CDC45: variants seen among roughly 807,000 people sequenced by gnomAD.
The protein encoded by CDC45 is cell division control protein 45 homolog.
CDC45 carries 54 observed loss-of-function variants against 77.8 expected under a neutral mutation model. The observed-to-expected ratio is 0.69, with a 90% CI of 0.56 to 0.87. The LOEUF (loss-of-function observed/expected upper bound fraction) is 0.87, where lower values mean the gene tolerates loss of function less well. Ranked by LOEUF, CDC45 falls within the 40% of genes least tolerant of loss-of-function variation. The probability of loss-of-function intolerance (pLI) is 0.00; values close to 1 mark genes in which losing one functional copy is unlikely to be tolerated. For missense variants in CDC45, 649 were observed against 721.6 expected (o/e 0.90, Z 1.15); for synonymous variants, 260 against 272.1 (o/e 0.96, Z 0.44).
intron 5 of CDC45, among the ~76,000 whole-genome samples, chr22:19,485,989 A>G (rs143809486): frequency 4.5e-3 from 680 of 152,358 alleles, no homozygotes; most frequent in Non-Finnish European, 6.3e-3. Flanking sequence ...TTATTTGAGA[A>G]TAGATTGCAG....
intron 5 of CDC45, among the ~76,000 whole-genome samples, chr22:19,491,045 T>C (rs1338830420): frequency 6.6e-6 from 1 of 152,066 alleles, no homozygotes; most frequent in East Asian, 1.9e-4. Context: ...CAGGTTCGTC[T>C]CAAACTCCTG....
intron 3 of CDC45, among the ~76,000 whole-genome samples, chr22:19,481,770 C>G (rs539367229): frequency 1.3e-5 from 2 of 152,238 alleles, no homozygotes; most frequent in African/African-American, 4.8e-5. Flanking sequence ...CTTCTGGGTT[C>G]AAGCGATTCT....
intron 6 of CDC45, chr22:19,494,711 A>G: frequency 1.2e-6 from 1 of 843,024 alleles, no homozygotes. Context: ...CTCTAAAATG[A>G]AAATATTGGA....
chr22:19,495,071 A>G (rs2090218994), intron 6 of CDC45, among the ~76,000 whole-genome samples: 1 of 152,222 alleles, frequency 6.6e-6, no homozygotes, highest in Non-Finnish European at 1.5e-5. Context: ...CCAAAAAAGG[A>G]TAATATAAAA....
Position 19,514,753 on chromosome 22 carries a change from A to G in CDC45, c.1222A>G (p.Asn408Asp). ...CATGTGTCTGCCCTGTTACAGGAGT[A>G]ACCTGGACAAGCTGTACCATGGCCT... ...IQALDSLSRS[N>D]LDKLYHGLEL... Residue 408 changes from asparagine to aspartate, a missense_variant, in exon 14 of 19, where the codon AAC becomes GAC. By Grantham distance (23) the Asn-to-Asp change is conservative. Transcript: ENST00000263201. 3.7e-6 allele frequency: 6 copies of G among 1,608,030 alleles called. No homozygotes were observed. The highest frequency in any genetic ancestry group is 5.1e-6 in the Non-Finnish European group (6 of 1,177,140).
At chr22:19,482,853 C>T in intron 4 of CDC45, 26 bp downstream of exon 4, 7 of 1,610,028 alleles carry the variant, frequency 4.3e-6, no homozygotes, top group Non-Finnish European at 5.9e-6. Context: ...TGCCCTCAAA[C>T]TGTCTGTACT....
chr22:19,483,752 C>G lies in CDC45; in HGVS notation c.343-110C>G, dbSNP rs1601921608. ...TTAAATAGGTAGCTATTTGTATGAA[C>G]AGGAAACTGAGTCAGCTTATTAGGA... On this transcript the variant is annotated intron_variant, in intron 4 of 18. Coordinates refer to ENST00000263201, the MANE Select transcript of CDC45 (RefSeq NM_003504.5). The G allele has an allele frequency of 1.7e-5, 18 of 1,086,456 alleles. No homozygotes were observed. The South Asian group carries it at 2.3e-4, about 14-fold the overall frequency. The allele number at this position is 1,086,456 out of a possible 1,614,324, so 67.3% of individuals were successfully genotyped here.
intron 9 of CDC45, among the ~76,000 whole-genome samples, chr22:19,502,986 T>C (rs1030204351): frequency 6.6e-5 from 10 of 151,764 alleles, no homozygotes; most frequent in African/African-American, 2.2e-4. Context: ...CTAGGTAACA[T>C]AGAACCCCTC....
intron 8 of CDC45, among the ~76,000 whole-genome samples, 177 bp downstream of exon 8, chr22:19,497,624 G>A (rs1403262038): frequency 1.3e-5 from 2 of 152,142 alleles, no homozygotes; most frequent in African/African-American, 4.8e-5. Flanking sequence ...TGAAGCCCTG[G>A]GAGCTTCACA....
chr22:19,508,012 C>T (rs1010948259), intron 12 of CDC45, 148 bp downstream of exon 12: 16 of 612,732 alleles, frequency 2.6e-5, no homozygotes, highest in Non-Finnish European at 4.3e-5. Flanking sequence ...CGAGAATGTA[C>T]AAATGAGTGT....
At chr22:19,519,463 C>G (rs954417148) in intron 18 of CDC45, among the ~76,000 whole-genome samples, 1 of 152,242 alleles carries the variant, frequency 6.6e-6, no homozygotes, top group Non-Finnish European at 1.5e-5. Flanking sequence ...TCCCGGGACA[C>G]CTCCCACTGC....
chr22:19,501,630 A>G (rs1303809910), intron 9 of CDC45, among the ~76,000 whole-genome samples: 3 of 152,188 alleles, frequency 2.0e-5, no homozygotes, highest in Non-Finnish European at 2.9e-5. Flanking sequence ...CATACAATTT[A>G]CATTTCATGC....
rs750837444 is a variant in CDC45, at chr22:19,514,786, G to T, written c.1255G>T (p.Ala419Ser). 1.2e-6 allele frequency: 2 copies of T among 1,613,796 alleles called. No homozygotes were observed. Among genetic ancestry groups the T allele is most frequent in the South Asian group, 2.2e-5 (2 of 91,024 alleles). ...LDKLYHGLEL[A>S]KKQLRATQQT... ...CAAGCTGTACCATGGCCTGGAACTC[G>T]CCAAGAAGCAGCTGCGAGCCACCCA... The change falls in exon 14 of 19, where the codon GCC (alanine) becomes TCC (serine). Residue 419 changes from alanine to serine, a missense_variant. Physicochemically the swap from Ala to Ser is moderately conservative, Grantham distance 99 (BLOSUM62 1). Transcript: ENST00000263201.
intron 8 of CDC45, 99 bp downstream of exon 8, chr22:19,497,546 C>G: frequency 2.0e-6 from 2 of 1,009,206 alleles, no homozygotes; most frequent in South Asian, 1.3e-5. Context: ...TTTCCCTTGT[C>G]CCCACCAGGA....
chr22:19,518,627 G>T (rs1274239802), intron 17 of CDC45, among the ~76,000 whole-genome samples: 1 of 152,110 alleles, frequency 6.6e-6, no homozygotes, highest in Non-Finnish European at 1.5e-5. Flanking sequence ...AGTTCTCCCT[G>T]CAGGCCCCAA....
At chr22:19,507,915 A>G in intron 12 of CDC45, 51 bp downstream of exon 12, 1 of 1,252,428 alleles carries the variant, frequency 8.0e-7, no homozygotes, top group East Asian at 2.3e-5. Context: ...GGTTCATTAA[A>G]GTGAAGGGTT....
rs1469396737 is a variant in CDC45, at chr22:19,508,502, G to GCATT, written c.1056-28_1056-27insCATT. Reference sequence around the variant, plus strand: ...GTGAGAGCTTGCCCACAATTTGAGGGTGACAGCTGTGTTTGCTCCCATGAC... The same window carrying GCATT: ...GTGAGAGCTTGCCCACAATTTGAGGGCATTTGACAGCTGTGTTTGCTCCCATGAC... On this transcript the variant is annotated intron_variant, in intron 12 of 18. Coordinates refer to ENST00000263201, the MANE Select transcript of CDC45 (RefSeq NM_003504.5). 4 of 1,613,608 alleles carry GCATT rather than the reference G, an allele frequency of 2.5e-6. No individual in the cohort carries two copies. The Admixed American group carries it at 6.7e-5, about 27-fold the overall frequency.
intron 13 of CDC45, among the ~76,000 whole-genome samples, chr22:19,509,568 T>C (rs1229400211): frequency 6.6e-6 from 1 of 152,256 alleles, no homozygotes. Context: ...TGTCAAAAAG[T>C]GATTTCATCC....
chr22:19,492,803 A>G (rs1349455445), intron 5 of CDC45, among the ~76,000 whole-genome samples: 5 of 152,184 alleles, frequency 3.3e-5, no homozygotes, highest in Non-Finnish European at 7.3e-5. Flanking sequence ...GTAAAAGATC[A>G]GGTTCCCCAC....
Sources: gnomAD v4.1 joint callset for allele counts (sites outside exome capture counted in the v4.1 genomes callset) on GRCh38, gnomAD v4.1.1 for gene constraint, MANE v1.5 for transcripts, NCBI Gene and HGNC (gene_info 2026-07-23, HGNC 2026-07-21) for gene names.